USP32: variants seen among roughly 807,000 people sequenced by gnomAD.
USP32 encodes ubiquitin carboxyl-terminal hydrolase 32.
In USP32, 59 loss-of-function variants were observed where a neutral mutation model predicts 204.8. The ratio of observed to expected loss-of-function variants is 0.29; its 90% CI spans 0.23 to 0.36. The LOEUF (loss-of-function observed/expected upper bound fraction) is 0.36, where lower values mean the gene tolerates loss of function less well. Among genes scored for constraint, USP32 ranks in the 10% least tolerant of loss-of-function variants. USP32 has a pLI of 1.00. For synonymous variants in USP32, 517 were observed against 678.4 expected (o/e 0.76, Z 3.70); for missense variants, 1,160 against 1,946.4 (o/e 0.60, Z 7.60).
intron 2 of USP32, among the ~76,000 whole-genome samples, chr17:60,309,391 G>C (rs1233304675): frequency 6.6e-6 from 1 of 152,120 alleles, no homozygotes; most frequent in Non-Finnish European, 1.5e-5. Context: ...CTTGAGCTCA[G>C]GAGTTCGAGA....
At chr17:60,415,572 A>G (rs1361778801) in intron 1 of USP32, among the ~76,000 whole-genome samples, 1 of 152,158 alleles carries the variant, frequency 6.6e-6, no homozygotes, top group African/African-American at 2.4e-5. Flanking sequence ...ATAGCACTTC[A>G]AAGGTTTGTT....
chr17:60,320,419 A>C (rs780703950), intron 2 of USP32, among the ~76,000 whole-genome samples: 1 of 152,218 alleles, frequency 6.6e-6, no homozygotes, highest in Non-Finnish European at 1.5e-5. Flanking sequence ...AGGTAATCAG[A>C]GCCTATGTCA....
chr17:60,359,383 A>C (rs2089154634), intron 1 of USP32, among the ~76,000 whole-genome samples: 1 of 152,158 alleles, frequency 6.6e-6, no homozygotes, highest in South Asian at 2.1e-4. Context: ...AATATTATTG[A>C]TATTTTTGGA....
intron 1 of USP32, among the ~76,000 whole-genome samples, chr17:60,364,217 T>C (rs2089269382): frequency 6.6e-6 from 1 of 152,136 alleles, no homozygotes; most frequent in Non-Finnish European, 1.5e-5. Context: ...ACTAATCCCA[T>C]TCATGAGGGC....
chr17:60,309,937 G>A (rs1051247261), intron 2 of USP32, among the ~76,000 whole-genome samples: 7 of 152,214 alleles, frequency 4.6e-5, no homozygotes, highest in Non-Finnish European at 7.4e-5. Context: ...CAAGCTAGTC[G>A]GAAGTCTGAG....
rs149450659 is a variant in USP32, at chr17:60,365,932, G to A, written c.59-20324C>T. Among the ~76,000 whole-genome samples the A allele has an allele frequency of 4.0e-3, 611 of 152,142 alleles. 2 individuals carry two copies. Among genetic ancestry groups the A allele is most frequent in the Admixed American group, 0.01 (154 of 15,266 alleles). The stretch of plus-strand genomic sequence containing the variant: ...TTTGGAGGGCTATGTGGGGTTTTTC[G>A]GTTCATTTTTGGTTTAGAGAGAGGG... On this transcript the variant is annotated intron_variant, in intron 1 of 33. Coordinates refer to ENST00000300896, the MANE Select transcript of USP32 (RefSeq NM_032582.4).
chr17:60,263,459 T>A (rs1033700994), intron 9 of USP32, among the ~76,000 whole-genome samples: 2 of 152,240 alleles, frequency 1.3e-5, no homozygotes, highest in African/African-American at 4.8e-5. Flanking sequence ...TTAATAGGCT[T>A]GGTTAAAAAA....
intron 26 of USP32, among the ~76,000 whole-genome samples, 154 bp downstream of exon 26, chr17:60,205,293 G>A (rs1226806622): frequency 2.0e-5 from 3 of 151,942 alleles, no homozygotes; most frequent in Admixed American, 1.3e-4. Flanking sequence ...GGATAAAAAA[G>A]TAAAAAAATA....
intron 3 of USP32, among the ~76,000 whole-genome samples, chr17:60,299,374 T>G (rs1462459116): frequency 6.6e-6 from 1 of 152,190 alleles, no homozygotes; most frequent in African/African-American, 2.4e-5. Context: ...GGCACCTGCA[T>G]CCGGCAAAAG....
chr17:60,201,846 A>G (rs1178777452), intron 26 of USP32, among the ~76,000 whole-genome samples: 2 of 152,006 alleles, frequency 1.3e-5, no homozygotes, highest in African/African-American at 4.8e-5. Context: ...TTTAGTAGAG[A>G]TGGAGTTTCA....
intron 2 of USP32, among the ~76,000 whole-genome samples, chr17:60,324,387 G>A (rs372794533): frequency 4.2e-4 from 64 of 151,636 alleles, no homozygotes; most frequent in African/African-American, 1.5e-3. Context: ...AACTTGATTC[G>A]AAAAAGACTA....
intron 13 of USP32, 25 bp downstream of exon 13, chr17:60,226,013 AC>A: frequency 6.4e-7 from 1 of 1,561,538 alleles, no homozygotes; most frequent in Non-Finnish European, 8.6e-7. Context: ...AAACCAATAA[AC>A]CTCAGGGGAA....
At chr17:60,383,339 A>T (rs934062474) in intron 1 of USP32, among the ~76,000 whole-genome samples, 2 of 151,652 alleles carry the variant, frequency 1.3e-5, no homozygotes, top group Non-Finnish European at 2.9e-5. Context: ...TCCTGTCTTT[A>T]TTTTTTACCC....
chr17:60,419,759 CA>C (rs1469239004), intron 1 of USP32, among the ~76,000 whole-genome samples: 1 of 149,358 alleles, frequency 6.7e-6, no homozygotes, highest in Non-Finnish European at 1.5e-5. Flanking sequence ...TTCTGTGCAA[CA>C]AACCCCCATG....
chr17:60,301,643 C>A lies in USP32; in HGVS notation c.248G>T (p.Gly83Val). Residue 83 changes from glycine to valine, a missense_variant, in exon 3 of 34, where the codon GGA becomes GTA. Transcript: ENST00000300896. ...TTTGCCTCTTGTAAGGAGGACAAGTCCAACTATTAAATTATTGAAGTGCAG... is the reference window on the plus strand; with the variant it reads ...TTTGCCTCTTGTAAGGAGGACAAGTACAACTATTAAATTATTGAAGTGCAG... ...KGLHFNNLIVGLVLLTRGKDE... is the reference protein window; with the variant it reads ...KGLHFNNLIVVLVLLTRGKDE... 12 of 1,596,622 alleles carry A rather than the reference C, an allele frequency of 7.5e-6. No individual in the cohort carries two copies. The highest frequency in any genetic ancestry group is 1.4e-5 in the African/African-American group (1 of 73,902).
intron 21 of USP32, among the ~76,000 whole-genome samples, chr17:60,210,801 T>C (rs1202364703): frequency 6.6e-6 from 1 of 152,284 alleles, no homozygotes; most frequent in Non-Finnish European, 1.5e-5. Context: ...GAATTTAGAG[T>C]GTACCTTTGG....
intron 4 of USP32, 79 bp downstream of exon 4, chr17:60,294,604 C>T (rs2087378633): frequency 1.2e-6 from 1 of 846,932 alleles, no homozygotes; most frequent in South Asian, 2.3e-5. Flanking sequence ...ATCTGTTTGT[C>T]ATACTTAAAA....
chr17:60,240,445 GAAGAA>G (rs1264515799), intron 11 of USP32, among the ~76,000 whole-genome samples: 4 of 151,962 alleles, frequency 2.6e-5, no homozygotes, highest in Non-Finnish European at 4.4e-5. Context: ...GAGAGGGAGA[GAAGAA>G]AAGAGAGAGG....
At chr17:60,357,672 T>C (rs960753944) in intron 1 of USP32, among the ~76,000 whole-genome samples, 10 of 152,208 alleles carry the variant, frequency 6.6e-5, no homozygotes, top group African/African-American at 2.4e-4. Flanking sequence ...GTAGTTAATA[T>C]CATTAAACAT....
Sources: allele counts gnomAD v4.1 joint callset (sites outside exome capture counted in the v4.1 genomes callset), GRCh38; gene constraint gnomAD v4.1.1; transcripts MANE v1.5; gene names NCBI Gene and HGNC (gene_info 2026-07-23, HGNC 2026-07-21).